TBC1D21: variants seen among roughly 807,000 people sequenced by gnomAD.
The protein encoded by TBC1D21 is male germ cell Rab GTPase-activating protein.
TBC1D21 carries 38 observed loss-of-function variants against 46.0 expected under a neutral mutation model. The ratio of observed to expected loss-of-function variants is 0.83; its 90% CI spans 0.64 to 1.08. The LOEUF (loss-of-function observed/expected upper bound fraction) is 1.08. Ranked by LOEUF, TBC1D21 falls within the 50% of genes least tolerant of loss-of-function variation. The pLI is 0.00. For missense variants in TBC1D21, 415 were observed against 417.9 expected (o/e 0.99, Z 0.06); for synonymous variants, 151 against 157.2 (o/e 0.96, Z 0.29).
At chr15:73,903,090 T>A in the TBC1D21 span, among the ~76,000 whole-genome samples, 1 of 152,198 alleles carries the variant, frequency 6.6e-6, no homozygotes, top group Non-Finnish European at 1.5e-5. Flanking sequence ...AGTCTCTGTG[T>A]GTCCTTCTCT....
the TBC1D21 span, among the ~76,000 whole-genome samples, chr15:73,900,503 C>T: frequency 6.6e-6 from 1 of 152,170 alleles, no homozygotes; most frequent in African/African-American, 2.4e-5. Context: ...CCTGCTTTCT[C>T]CTTCTCCCCT....
the TBC1D21 span, among the ~76,000 whole-genome samples, chr15:73,894,717 G>A: frequency 6.6e-6 from 1 of 152,158 alleles, no homozygotes; most frequent in South Asian, 2.1e-4. Context: ...GGCTGTGCAG[G>A]AGTAGCCTCT....
chr15:73,890,884 C>G (rs542077203), downstream of TBC1D21, among the ~76,000 whole-genome samples: 7 of 152,264 alleles, frequency 4.6e-5, no homozygotes, highest in East Asian at 9.6e-4. Flanking sequence ...CTCAAGCCCC[C>G]CTCCTTGAAC....
chr15:73,892,558 C>T (rs1409212970), downstream of TBC1D21, among the ~76,000 whole-genome samples: 1 of 152,218 alleles, frequency 6.6e-6, no homozygotes, highest in Non-Finnish European at 1.5e-5. Context: ...TACTCCTGGT[C>T]CAGCTGCAGC....
At chr15:73,878,938 G>A (rs1567063706) in intron 1 of TBC1D21, among the ~76,000 whole-genome samples, 1 of 152,164 alleles carries the variant, frequency 6.6e-6, no homozygotes, top group Non-Finnish European at 1.5e-5. Flanking sequence ...AATCAGAGGG[G>A]CAGAAAGCTT....
chr15:73,906,528 A>G, the TBC1D21 span, among the ~76,000 whole-genome samples: 3 of 152,172 alleles, frequency 2.0e-5, no homozygotes, highest in Admixed American at 1.3e-4. Context: ...AGGACAAGGT[A>G]CACGGAGGAG....
chr15:73,907,155 T>G, the TBC1D21 span, among the ~76,000 whole-genome samples: 2 of 151,622 alleles, frequency 1.3e-5, no homozygotes, highest in African/African-American at 4.8e-5. Context: ...CTCCTCTTTT[T>G]TTCCCCCAGT....
downstream of TBC1D21, among the ~76,000 whole-genome samples, chr15:73,894,192 C>T (rs556248058): frequency 6.6e-6 from 1 of 152,342 alleles, no homozygotes; most frequent in East Asian, 1.9e-4. Flanking sequence ...TCTTGGGCAG[C>T]TTCCGTTTTC....
At chr15:73,904,760 G>C in the TBC1D21 span, among the ~76,000 whole-genome samples, 1 of 152,146 alleles carries the variant, frequency 6.6e-6, no homozygotes, top group Non-Finnish European at 1.5e-5. Flanking sequence ...GGATGTGTGT[G>C]TAGAAAAGAG....
intron 7 of TBC1D21, 33 bp downstream of exon 7, chr15:73,886,207 AC>A: frequency 3.1e-6 from 5 of 1,587,524 alleles, no homozygotes; most frequent in South Asian, 1.1e-5. Flanking sequence ...CACCTCACGC[AC>A]CCCCCAGGCA....
At chr15:73,877,498 A>T (rs1053326226) in intron 1 of TBC1D21, among the ~76,000 whole-genome samples, 6 of 142,730 alleles carry the variant, frequency 4.2e-5, no homozygotes, top group Non-Finnish European at 6.0e-5. Flanking sequence ...ATTCTATACA[A>T]ACACTTCCAG....
chr15:73,883,561 T>C (rs2068191408), intron 3 of TBC1D21, among the ~76,000 whole-genome samples: 1 of 152,194 alleles, frequency 6.6e-6, no homozygotes, highest in South Asian at 2.1e-4. Flanking sequence ...GTCATTGGAT[T>C]TGGGGTCCAC....
the TBC1D21 span, among the ~76,000 whole-genome samples, chr15:73,903,642 T>C: frequency 6.6e-6 from 1 of 152,190 alleles, no homozygotes; most frequent in African/African-American, 2.4e-5. Flanking sequence ...TATTCAATCA[T>C]GGTACTCTCC....
the TBC1D21 span, among the ~76,000 whole-genome samples, chr15:73,901,062 C>T: frequency 1.5e-4 from 23 of 152,168 alleles, no homozygotes; most frequent in African/African-American, 5.6e-4. Context: ...AGAAAGTTGT[C>T]GAACTACCAG....
chr15:73,893,559 C>A (rs558058607), downstream of TBC1D21, among the ~76,000 whole-genome samples: 68 of 152,222 alleles, frequency 4.5e-4, 4 homozygotes, highest in Non-Finnish European at 8.8e-5. Flanking sequence ...GACCCCAAGG[C>A]CACTTTTTGT....
At chr15:73,881,832 C>A in intron 3 of TBC1D21, 85 bp downstream of exon 3, 3 of 1,223,380 alleles carry the variant, frequency 2.5e-6, no homozygotes, top group Non-Finnish European at 3.5e-6. Flanking sequence ...CTATCTTCTG[C>A]CCCCATGCAA....
chr15:73,900,523 G>A, the TBC1D21 span, among the ~76,000 whole-genome samples: 1 of 152,132 alleles, frequency 6.6e-6, no homozygotes, highest in African/African-American at 2.4e-5. Context: ...TGGACCAGGG[G>A]CCCAGAGCTA....
At chr15:73,895,310 TG>T in the TBC1D21 span, among the ~76,000 whole-genome samples, 5 of 151,916 alleles carry the variant, frequency 3.3e-5, no homozygotes, top group Admixed American at 2.6e-4. Context: ...AGGACAGGAG[TG>T]ACTGTGCAGG....
At chr15:73,909,494 CAG>C in the TBC1D21 span, among the ~76,000 whole-genome samples, 10 of 152,268 alleles carry the variant, frequency 6.6e-5, no homozygotes, top group Admixed American at 3.3e-4. Context: ...AGATGAAGGA[CAG>C]AGTTTCATCA....
Sources: allele counts gnomAD v4.1 joint callset (sites outside exome capture counted in the v4.1 genomes callset), GRCh38; gene constraint gnomAD v4.1.1; transcripts MANE v1.5; gene names NCBI Gene and HGNC (gene_info 2026-07-23, HGNC 2026-07-21).